Variants in DACH1 observed in about 807,000 individuals in gnomAD.
DACH1 encodes the protein dachshund family transcription factor 1, also known as dachshund homolog 1.
DACH1 carries 12 observed loss-of-function variants against 54.2 expected under a neutral mutation model. The ratio of observed to expected loss-of-function variants is 0.22; its 90% confidence interval spans 0.14 to 0.36. The LOEUF is 0.36. Among genes scored for constraint, DACH1 ranks in the 10% least tolerant of loss-of-function variants. DACH1 has a pLI of 1.00. For synonymous variants in DACH1, 386 were observed against 366.2 expected (o/e 1.05, Z -0.62); for missense variants, 805 against 929.8 (o/e 0.87, Z 1.75).
At chr13:71,496,213 G>GAGCGAC (rs1879392182) in intron 6 of DACH1, among the ~76,000 whole-genome samples, 1 of 144,962 alleles carries the variant, frequency 6.9e-6, no homozygotes, top group Non-Finnish European at 1.5e-5. Context: ...ACTCCAGCCT[G>GAGCGAC]AGCGACACAG....
chr13:71,722,543 A>G (rs1175207981), intron 1 of DACH1, among the ~76,000 whole-genome samples: 1 of 152,176 alleles, frequency 6.6e-6, no homozygotes, highest in Non-Finnish European at 1.5e-5. Context: ...AACTATCATC[A>G]TAGTGAGCTT....
At chr13:71,550,565 A>G (rs963114172) in intron 6 of DACH1, among the ~76,000 whole-genome samples, 1 of 152,160 alleles carries the variant, frequency 6.6e-6, no homozygotes, top group Non-Finnish European at 1.5e-5. Context: ...ATTGCCCATC[A>G]TTTACAGGGC....
At chr13:71,464,624 T>A (rs115019834) in intron 10 of DACH1, 1 of 447,564 alleles carries the variant, frequency 2.2e-6, no homozygotes, top group Admixed American at 2.5e-5. Context: ...CATGCAAATA[T>A]TTTATGAAGA....
At chr13:71,806,642 G>A (rs1449053907) in intron 1 of DACH1, among the ~76,000 whole-genome samples, 3 of 152,084 alleles carry the variant, frequency 2.0e-5, no homozygotes, top group Non-Finnish European at 4.4e-5. Flanking sequence ...TTAAATCTAA[G>A]CAGTGTTACA....
intron 1 of DACH1, among the ~76,000 whole-genome samples, chr13:71,848,928 C>A (rs1039372385): frequency 6.6e-6 from 1 of 152,142 alleles, no homozygotes; most frequent in Non-Finnish European, 1.5e-5. Context: ...GAAAAGTTAT[C>A]TCCATTATTC....
rs1202025896 is a variant in DACH1 at position 71,866,443 on chromosome 13, C to T, written c.327G>A (p.Ala109=). The change falls in exon 1 of 11, where the codon GCG becomes GCA. Residue 109 remains alanine (A), a synonymous_variant. Coordinates refer to ENST00000613252, the MANE Select transcript of DACH1 (RefSeq NM_080759.6). ...CGCCGCCGCTGCCGTTGCTCGCGGC[C>T]GCCAGGTTGGGGTTGCAGTTGCTGC... ...GGGSNCNPNL[A]AASNGSGGGG... is the part of the protein sequence containing the mutation. The T allele has an allele frequency of 2.3e-5, 32 of 1,396,638 alleles. No homozygotes were observed. The highest frequency in any genetic ancestry group is 3.0e-5 in the Non-Finnish European group (32 of 1,070,830). 86.5% of individuals were successfully genotyped at this position (1,396,638 alleles called of 1,614,324 possible).
intron 6 of DACH1, among the ~76,000 whole-genome samples, chr13:71,555,227 C>T (rs1884161179): frequency 6.6e-6 from 1 of 152,050 alleles, no homozygotes; most frequent in African/African-American, 2.4e-5. Flanking sequence ...TTTAGCTCAA[C>T]CCTAGTGGAG....
At chr13:71,568,401 G>T (rs1885017722) in intron 4 of DACH1, among the ~76,000 whole-genome samples, 1 of 151,912 alleles carries the variant, frequency 6.6e-6, no homozygotes, top group South Asian at 2.1e-4. Flanking sequence ...CTAGAGTATG[G>T]TGTGATAGAG....
intron 3 of DACH1, among the ~76,000 whole-genome samples, chr13:71,613,972 G>T (rs1406601257): frequency 6.6e-6 from 1 of 152,160 alleles, no homozygotes; most frequent in African/African-American, 2.4e-5. Context: ...ACAGACATGA[G>T]CCACCACGCC....
In DACH1 at chr13:71,785,759, C is replaced by T. The variant is rs568332135; in HGVS notation, c.848+80163G>A. On this transcript the variant is annotated intron_variant, in intron 1 of 10. Coordinates refer to ENST00000613252, the MANE Select transcript of DACH1 (RefSeq NM_080759.6). Reference sequence around the variant, plus strand: ...GAAAGGTATCTTCACTTTTTCCACCCAGCATCTTTATTCTCTTCACATGCT... The same window carrying T: ...GAAAGGTATCTTCACTTTTTCCACCTAGCATCTTTATTCTCTTCACATGCT... Among the ~76,000 whole-genome samples, 17 of 152,314 alleles carry T rather than the reference C, an allele frequency of 1.1e-4. No individual in the cohort carries two copies. The East Asian group carries it at 2.7e-3, about 24-fold the overall frequency.
At chr13:71,654,079 A>T (rs1052446420) in intron 2 of DACH1, among the ~76,000 whole-genome samples, 2 of 152,260 alleles carry the variant, frequency 1.3e-5, no homozygotes, top group East Asian at 3.9e-4. Flanking sequence ...GCAAAGGGAT[A>T]GGTAACCATC....
At position 71,783,964 on chromosome 13, in the gene DACH1, TAA is replaced by T. The variant is rs35579396; in HGVS notation, c.848+81956_848+81957del. Among the ~76,000 whole-genome samples the T allele has an allele frequency of 2.2e-3, 255 of 116,170 alleles. 1 individual carries two copies. The highest frequency in any genetic ancestry group is 5.5e-3 in the African/African-American group (167 of 30,258). The allele number at this position is 116,170 out of a possible 152,430, so 76.2% of individuals were successfully genotyped here. On this transcript the variant is annotated intron_variant, in intron 1 of 10. Transcript: ENST00000613252. ...GATGAAATACATATTCTCCAAGGTT[TAA>T]AAAAAAAAAAAAAACAAAAAAAAAA...
chr13:71,738,313 C>T (rs1884227664), intron 1 of DACH1, among the ~76,000 whole-genome samples: 1 of 151,946 alleles, frequency 6.6e-6, no homozygotes, highest in Non-Finnish European at 1.5e-5. Flanking sequence ...GAATTTTGTC[C>T]CATACTTTTT....
chr13:71,465,105 A>G (rs1047031447), intron 10 of DACH1, among the ~76,000 whole-genome samples: 3 of 152,090 alleles, frequency 2.0e-5, no homozygotes, highest in Non-Finnish European at 4.4e-5. Context: ...AGGTAGGATA[A>G]TGCACTATAA....
chr13:71,787,803 C>G (rs1276873451), intron 1 of DACH1, among the ~76,000 whole-genome samples: 1 of 152,038 alleles, frequency 6.6e-6, no homozygotes, highest in Admixed American at 6.6e-5. Context: ...TTTGGTGCAA[C>G]TCTATAAAGG....
At chr13:71,591,303 T>C (rs962617898) in intron 3 of DACH1, among the ~76,000 whole-genome samples, 3 of 152,190 alleles carry the variant, frequency 2.0e-5, no homozygotes, top group Non-Finnish European at 2.9e-5. Context: ...ATTTCTAATA[T>C]AGATTCTAAA....
intron 4 of DACH1, among the ~76,000 whole-genome samples, chr13:71,564,399 T>A (rs1419352501): frequency 6.6e-6 from 1 of 151,088 alleles, no homozygotes; most frequent in Non-Finnish European, 1.5e-5. Context: ...TAAAACACAA[T>A]CTTTTGCAAT....
chr13:71,865,004 C>G (rs916535784), intron 1 of DACH1, among the ~76,000 whole-genome samples: 1 of 152,132 alleles, frequency 6.6e-6, no homozygotes, highest in African/African-American at 2.4e-5. Flanking sequence ...ACAGAGAACT[C>G]GAAAGAGAGA....
intron 1 of DACH1, among the ~76,000 whole-genome samples, chr13:71,780,964 T>C: frequency 6.6e-6 from 1 of 152,050 alleles, no homozygotes; most frequent in South Asian, 2.1e-4. Flanking sequence ...CGAGACCTTA[T>C]CTCTACAAAA....
Sources: gnomAD v4.1 joint callset for allele counts (sites outside exome capture counted in the v4.1 genomes callset) on GRCh38, gnomAD v4.1.1 for gene constraint, MANE v1.5 for transcripts, NCBI Gene and HGNC (gene_info 2026-07-23, HGNC 2026-07-21) for gene names.